The following RYK variants were observed in gnomAD, a reference collection of about 807,000 sequenced individuals.
The protein encoded by RYK is inactive tyrosine-protein kinase RYK.
In RYK, 21 loss-of-function variants were observed where a neutral mutation model predicts 70.2. The observed-to-expected ratio is 0.30, with a 90% CI of 0.21 to 0.43. RYK has a LOEUF of 0.43. Ranked by LOEUF, RYK falls within the 20% of genes least tolerant of loss-of-function variation. The pLI, the probability that RYK is intolerant of heterozygous loss-of-function variation, is 1.00. For synonymous variants in RYK, 267 were observed against 278.0 expected, an observed-to-expected ratio of 0.96 and a Z score of 0.39; for missense variants, 604 against 753.3, an observed-to-expected ratio of 0.80 and a Z score of 2.32.
intron 9 of RYK, among the ~76,000 whole-genome samples, chr3:134,187,391 A>C (rs1035846506): frequency 2.6e-5 from 4 of 152,182 alleles, no homozygotes; most frequent in African/African-American, 7.2e-5. Flanking sequence ...ACTGAATTTA[A>C]TCTTCCCTTC....
chr3:134,195,204 A>C (rs1427673480), intron 6 of RYK, 22 bp from the exon 7 acceptor site: 3 of 1,547,516 alleles, frequency 1.9e-6, no homozygotes, highest in Non-Finnish European at 2.7e-6. Context: ...TTTTGAGAGA[A>C]ATATTTGACA....
At chr3:134,250,282 C>CG (rs2015578443) in intron 1 of RYK, 141 bp downstream of exon 1, 1 of 379,852 alleles carries the variant, frequency 2.6e-6, no homozygotes, top group Non-Finnish European at 4.5e-6. Context: ...AGGCAGAGAC[C>CG]GGGCCGCGAG....
At chr3:134,224,049 C>T (rs987482723) in intron 1 of RYK, among the ~76,000 whole-genome samples, 2 of 152,200 alleles carry the variant, frequency 1.3e-5, no homozygotes, top group African/African-American at 4.8e-5. Flanking sequence ...GGGTCCAACC[C>T]TACAGGGCCT....
chr3:134,231,424 T>C (rs1384388124), intron 1 of RYK, among the ~76,000 whole-genome samples: 13 of 152,130 alleles, frequency 8.5e-5, no homozygotes, highest in African/African-American at 2.7e-4. Context: ...ACAGAAACCA[T>C]GCCTCCTAAG....
chr3:134,202,537 C>G, intron 6 of RYK, 193 bp downstream of exon 6: 1 of 518,122 alleles, frequency 1.9e-6, no homozygotes, highest in Non-Finnish European at 3.3e-6. Context: ...TTTCTGACTT[C>G]TTAATTTTTA....
At chr3:134,223,814 A>G (rs1413094033) in intron 1 of RYK, among the ~76,000 whole-genome samples, 1 of 152,160 alleles carries the variant, frequency 6.6e-6, no homozygotes, top group African/African-American at 2.4e-5. Context: ...CAAATTTCAC[A>G]TTTACTGAGC....
chr3:134,168,605 A>G lies in RYK; in HGVS notation c.1575+7004T>C, dbSNP rs916691926. Among the ~76,000 whole-genome samples, 6 of 12,642 alleles carry G rather than the reference A, an allele frequency of 4.7e-4. 1 individual carries two copies. Among genetic ancestry groups the G allele is most frequent in the East Asian group, 5.6e-3 (1 of 178 alleles). The allele number at this position is 12,642 out of a possible 152,430, so 8.3% of individuals were successfully genotyped here. A position where few individuals can be genotyped will look rare whatever the true frequency, so the allele number is the denominator to read the frequency against. On this transcript the variant is annotated intron_variant, in intron 13 of 14. Coordinates refer to ENST00000623711, the MANE Select transcript of RYK (RefSeq NM_002958.4). ...TTGGACACAGGAAGGGGAACATCAC[A>G]CACCGGGGCCTTCGTAGGGTAGGGG...
chr3:134,248,879 C>T (rs1234677738), intron 1 of RYK, among the ~76,000 whole-genome samples: 1 of 152,040 alleles, frequency 6.6e-6, no homozygotes, highest in Admixed American at 6.6e-5. Flanking sequence ...ATAATGCCAC[C>T]TACCTCACTG....
At chr3:134,242,768 T>C (rs960809260) in intron 1 of RYK, among the ~76,000 whole-genome samples, 1 of 152,192 alleles carries the variant, frequency 6.6e-6, no homozygotes, top group African/African-American at 2.4e-5. Flanking sequence ...GGCAGCACCT[T>C]TGGAATTGAC....
Position 134,188,818 on chromosome 3 carries a change from T to C in RYK, c.1102+19A>G. On this transcript the variant is annotated intron_variant, in intron 9 of 14. Coordinates refer to ENST00000623711, the MANE Select transcript of RYK (RefSeq NM_002958.4). ...AGACAGAAGAGCATCATGGAAATAC[T>C]ATGGAAAAAAGATCCTACCTTTAAC... The C allele has an allele frequency of 6.9e-7, 1 of 1,443,198 alleles. No individual in the cohort carries two copies. The allele number at this position is 1,443,198 out of a possible 1,614,324, so 89.4% of individuals were successfully genotyped here.
At chr3:134,158,622 T>G (rs1474872830) in intron 14 of RYK, among the ~76,000 whole-genome samples, 1 of 152,192 alleles carries the variant, frequency 6.6e-6, no homozygotes, top group Non-Finnish European at 1.5e-5. Flanking sequence ...GAACCCTGGA[T>G]CTAGAGTAAA....
intron 13 of RYK, among the ~76,000 whole-genome samples, chr3:134,165,322 T>C (rs528850564): frequency 1.2e-4 from 19 of 152,348 alleles, no homozygotes; most frequent in Admixed American, 9.8e-4. Flanking sequence ...ATTCTGCAAA[T>C]AGTTACTTTT....
chr3:134,215,167 C>A (rs1246490773), intron 2 of RYK, among the ~76,000 whole-genome samples: 2 of 152,246 alleles, frequency 1.3e-5, no homozygotes, highest in Non-Finnish European at 2.9e-5. Context: ...AGACCAGAGA[C>A]CAGAACCCCA....
chr3:134,228,691 T>C (rs1288069450), intron 1 of RYK, among the ~76,000 whole-genome samples: 1 of 152,112 alleles, frequency 6.6e-6, no homozygotes, highest in Non-Finnish European at 1.5e-5. Flanking sequence ...CAATTATTAC[T>C]AGAGACTGAG....
chr3:134,193,303 C>G (rs1452726633), intron 7 of RYK, among the ~76,000 whole-genome samples: 2 of 152,146 alleles, frequency 1.3e-5, no homozygotes, highest in African/African-American at 4.8e-5. Flanking sequence ...CCTGCCTCAG[C>G]CTCCCAAGTA....
chr3:134,170,567 G>T, intron 13 of RYK: 1 of 158,732 alleles, frequency 6.3e-6, no homozygotes. Context: ...GAGAACCTAA[G>T]CAGAAAAACC....
chr3:134,236,341 C>G (rs2015200334), intron 1 of RYK, among the ~76,000 whole-genome samples: 1 of 152,034 alleles, frequency 6.6e-6, no homozygotes, highest in Non-Finnish European at 1.5e-5. Flanking sequence ...AATTAGAAAA[C>G]AATTCCATTT....
intron 1 of RYK, among the ~76,000 whole-genome samples, chr3:134,231,829 T>G (rs1249341975): frequency 2.0e-5 from 3 of 152,166 alleles, no homozygotes; most frequent in Non-Finnish European, 4.4e-5. Context: ...TGCCACCCTC[T>G]ATCCTTCTCA....
At position 134,239,995 on chromosome 3, in the gene RYK, C is replaced by G. The variant is rs561896915; in HGVS notation, c.232+10428G>C. On this transcript the variant is annotated intron_variant, in intron 1 of 14. Transcript: ENST00000623711. ...GAGAAGGAGTCTGGCACCAAGGGAA[C>G]TGAGTGGTGCAGGGAGGGGCAGGGA... Among the ~76,000 whole-genome samples the G allele has an allele frequency of 2.0e-5, 3 of 152,238 alleles. No individual in the cohort carries two copies. The South Asian group carries it at 6.2e-4, about 32-fold the overall frequency.
Sources: allele counts gnomAD v4.1 joint callset (sites outside exome capture counted in the v4.1 genomes callset), GRCh38; gene constraint gnomAD v4.1.1; transcripts MANE v1.5; gene names NCBI Gene and HGNC (gene_info 2026-07-23, HGNC 2026-07-21).